Variants in GRIA1 observed in about 807,000 individuals in gnomAD.
GRIA1 encodes glutamate receptor 1.
Under a neutral mutation model 99.2 loss-of-function variants are expected in GRIA1, and 31 were observed. The observed-to-expected ratio is 0.31, with a 90% confidence interval of 0.23 to 0.42. The LOEUF is 0.42. GRIA1 is among the 10% of genes least tolerant of loss of function. The probability of loss-of-function intolerance (pLI) is 1.00; values close to 1 mark genes in which losing one functional copy is unlikely to be tolerated. For missense variants in GRIA1, 782 were observed against 1,157.5 expected (o/e 0.68, Z 4.71); for synonymous variants, 438 against 432.4 (o/e 1.01, Z -0.16).
intron 3 of GRIA1, 27 bp downstream of exon 3, chr5:153,647,194 C>T (rs774858958): frequency 6.2e-7 from 1 of 1,605,934 alleles, no homozygotes; most frequent in Non-Finnish European, 8.5e-7. Flanking sequence ...GGGAGGGAGA[C>T]TTTTGAGGGA....
At chr5:153,625,586 A>G (rs1327013453) in intron 2 of GRIA1, among the ~76,000 whole-genome samples, 1 of 152,214 alleles carries the variant, frequency 6.6e-6, no homozygotes, top group Non-Finnish European at 1.5e-5. Flanking sequence ...TTGATATACC[A>G]GTGCAGAGCA....
chr5:153,772,013 A>G (rs1763913320), intron 13 of GRIA1, among the ~76,000 whole-genome samples: 1 of 152,210 alleles, frequency 6.6e-6, no homozygotes, highest in African/African-American at 2.4e-5. Context: ...TGAGTTCCAG[A>G]CAGAGACAAG....
At chr5:153,708,327 A>G (rs1759064216) in intron 11 of GRIA1, among the ~76,000 whole-genome samples, 3 of 152,092 alleles carry the variant, frequency 2.0e-5, no homozygotes, top group Admixed American at 2.0e-4. Context: ...AGCTGGCCCC[A>G]GAGGGTGTTT....
intron 2 of GRIA1, among the ~76,000 whole-genome samples, chr5:153,641,551 T>C (rs377559604): frequency 6.6e-4 from 100 of 152,304 alleles, no homozygotes; most frequent in African/African-American, 2.3e-3. Flanking sequence ...ACTCTGATTG[T>C]TGGACACGCT....
intron 13 of GRIA1, among the ~76,000 whole-genome samples, chr5:153,772,373 C>T (rs1763936772): frequency 6.6e-6 from 1 of 151,532 alleles, no homozygotes; most frequent in Non-Finnish European, 1.5e-5. Flanking sequence ...GATTCTAAGG[C>T]AAGAAATCAT....
Position 153,698,848 on chromosome 5 carries a change from C to G in GRIA1, c.1246-19C>G. On this transcript the variant is annotated intron_variant, in intron 9 of 15. Coordinates refer to ENST00000285900, the MANE Select transcript of GRIA1 (RefSeq NM_000827.4). ...GAACCCATAACCCACATTCTGCTAT[C>G]TCCCCATTTCTCTTCCAGGAAGATC... 1 of 1,538,012 alleles carries G rather than the reference C, an allele frequency of 6.5e-7. No homozygotes were observed. The highest frequency in any genetic ancestry group is 9.0e-7 in the Non-Finnish European group (1 of 1,110,574).
chr5:153,697,298 T>C (rs1758184517), intron 8 of GRIA1, among the ~76,000 whole-genome samples: 1 of 152,220 alleles, frequency 6.6e-6, no homozygotes. Flanking sequence ...AAGCCCTATC[T>C]CTCAGACTTC....
chr5:153,716,821 G>A (rs1167582684), intron 11 of GRIA1, among the ~76,000 whole-genome samples: 1 of 152,214 alleles, frequency 6.6e-6, no homozygotes, highest in Non-Finnish European at 1.5e-5. Flanking sequence ...AATTGTGACT[G>A]TGAGAGAGAT....
rs118115712 is a variant in GRIA1, at chr5:153,771,962, G to C, written c.2270+1547G>C. ...AAAGATGAAAAGAAAATGTAACACA[G>C]AGTTTAAGAGACATGAAAAAGAAAA... On this transcript the variant is annotated intron_variant, in intron 13 of 15. Transcript: ENST00000285900. Among the ~76,000 whole-genome samples the C allele has an allele frequency of 1.1e-3, 163 of 152,230 alleles. 3 individuals are homozygous for C. In the East Asian group the frequency reaches 0.029, roughly 27 times the overall value.
chr5:153,640,854 G>T (rs776217703), intron 2 of GRIA1, among the ~76,000 whole-genome samples: 7 of 152,122 alleles, frequency 4.6e-5, no homozygotes, highest in Non-Finnish European at 1.0e-4. Context: ...ATTGTATCTA[G>T]TAAATGACAG....
chr5:153,535,698 A>G (rs1306448672), intron 2 of GRIA1, among the ~76,000 whole-genome samples: 2 of 152,228 alleles, frequency 1.3e-5, no homozygotes, highest in Non-Finnish European at 2.9e-5. Context: ...TTAGATGTAC[A>G]TATCCAAATC....
At chr5:153,800,557 G>C (rs1244470375) in intron 14 of GRIA1, among the ~76,000 whole-genome samples, 1 of 152,174 alleles carries the variant, frequency 6.6e-6, no homozygotes, top group East Asian at 1.9e-4. Flanking sequence ...TGCTTCCAAA[G>C]CCAGGCTATG....
chr5:153,649,420 G>A (rs1022844478), intron 3 of GRIA1, among the ~76,000 whole-genome samples: 2 of 147,514 alleles, frequency 1.4e-5, no homozygotes, highest in African/African-American at 5.0e-5. Context: ...GTTTAATTCA[G>A]GACACATTTT....
chr5:153,703,570 C>A (rs1010134447), intron 10 of GRIA1, among the ~76,000 whole-genome samples: 6 of 152,018 alleles, frequency 3.9e-5, no homozygotes, highest in African/African-American at 1.4e-4. Context: ...CATGGCGAAA[C>A]CTCTACTAAA....
intron 2 of GRIA1, among the ~76,000 whole-genome samples, chr5:153,513,949 A>G (rs1756356710): frequency 6.6e-6 from 1 of 152,204 alleles, no homozygotes; most frequent in Non-Finnish European, 1.5e-5. Flanking sequence ...TATTATATTC[A>G]GTAACTATTA....
At chr5:153,658,998 A>AAACAAAC (rs71920895) in intron 5 of GRIA1, among the ~76,000 whole-genome samples, 1 of 80,082 alleles carries the variant, frequency 1.2e-5, no homozygotes, top group Non-Finnish European at 2.9e-5. Context: ...ACAAACAAAC[A>AAACAAAC]AAAAAAAAAC....
chr5:153,804,129 C>A (rs970592432), intron 15 of GRIA1, among the ~76,000 whole-genome samples: 2 of 152,132 alleles, frequency 1.3e-5, no homozygotes, highest in Admixed American at 1.3e-4. Context: ...ATTTAAAAGG[C>A]AACTTCTCCA....
intron 2 of GRIA1, among the ~76,000 whole-genome samples, chr5:153,523,472 TTAC>T (rs574484369): frequency 7.7e-4 from 117 of 152,156 alleles, no homozygotes; most frequent in Admixed American, 3.0e-3. Flanking sequence ...TGGCTGAACT[TTAC>T]TACTCATTTG....
chr5:153,767,594 G>A (rs1421677180), intron 12 of GRIA1, among the ~76,000 whole-genome samples: 1 of 152,076 alleles, frequency 6.6e-6, no homozygotes, highest in African/African-American at 2.4e-5. Context: ...GAGTTTGGTG[G>A]GTGGGGAGAT....
Sources: allele counts gnomAD v4.1 joint callset (sites outside exome capture counted in the v4.1 genomes callset), GRCh38; gene constraint gnomAD v4.1.1; transcripts MANE v1.5; gene names NCBI Gene and HGNC (gene_info 2026-07-23, HGNC 2026-07-21).